The following FHIT variants were observed in gnomAD, a reference collection of about 807,000 sequenced individuals.
The protein encoded by FHIT is bis(5'-adenosyl)-triphosphatase.
In FHIT, 19 loss-of-function variants were observed where a neutral mutation model predicts 17.9. That is an observed-to-expected ratio of 1.06 (90% CI 0.74 to 1.56). FHIT has a LOEUF of 1.56. Among genes scored for constraint, FHIT ranks in the 40% most tolerant of loss-of-function variants. The pLI is 0.00. For synonymous variants in FHIT, 81 were observed against 69.7 expected (o/e 1.16, Z -0.81); for missense variants, 248 against 189.2 (o/e 1.31, Z -1.82).
At chr3:60,957,385 G>C (rs531985108) in intron 3 of FHIT, among the ~76,000 whole-genome samples, 4 of 151,880 alleles carry the variant, frequency 2.6e-5, no homozygotes, top group East Asian at 1.9e-4. Flanking sequence ...TTACAGGCAC[G>C]TGCCACCACA....
chr3:59,848,275 C>T (rs1376655491), intron 8 of FHIT, among the ~76,000 whole-genome samples: 1 of 152,098 alleles, frequency 6.6e-6, no homozygotes, highest in East Asian at 1.9e-4. Context: ...ATATTCAGGC[C>T]TTCAGTGGAC....
intron 5 of FHIT, among the ~76,000 whole-genome samples, chr3:60,204,472 G>C (rs930633198): frequency 1.5e-5 from 2 of 137,694 alleles, no homozygotes; most frequent in African/African-American, 5.6e-5. Flanking sequence ...TGTTTTTTTA[G>C]TAGAGATGGA....
intron 4 of FHIT, among the ~76,000 whole-genome samples, chr3:60,756,325 C>A (rs13063937): frequency 0.19 from 29,206 of 151,974 alleles, 3,412 homozygotes; most frequent in Non-Finnish European, 0.25. Flanking sequence ...TTCCAACTCA[C>A]ATTGTCCCTT....
At chr3:61,225,003 C>G (rs1309531667) in intron 1 of FHIT, among the ~76,000 whole-genome samples, 1 of 152,126 alleles carries the variant, frequency 6.6e-6, no homozygotes, top group African/African-American at 2.4e-5. Flanking sequence ...AGTTACAGTT[C>G]ACTGACCTCC....
At chr3:60,511,682 C>A (rs771261607) in intron 5 of FHIT, among the ~76,000 whole-genome samples, 8 of 152,094 alleles carry the variant, frequency 5.3e-5, no homozygotes. Flanking sequence ...AACAATGTCA[C>A]CTGAGTAGCC....
At chr3:60,931,136 T>C (rs1707928829) in intron 3 of FHIT, among the ~76,000 whole-genome samples, 1 of 151,970 alleles carries the variant, frequency 6.6e-6, no homozygotes, top group Non-Finnish European at 1.5e-5. Context: ...ACACTGCATG[T>C]TGTCACTCAT....
At chr3:59,897,173 C>A (rs998294961) in intron 8 of FHIT, among the ~76,000 whole-genome samples, 1 of 152,196 alleles carries the variant, frequency 6.6e-6, no homozygotes, top group Non-Finnish European at 1.5e-5. Context: ...AAAGAACTTT[C>A]TGCAATGATG....
intron 9 of FHIT, 65 bp from the exon 10 acceptor site, chr3:59,749,644 A>G (rs995277690): frequency 8.7e-6 from 2 of 230,388 alleles, no homozygotes; most frequent in Non-Finnish European, 8.6e-6. Context: ...CTCTGTAGGA[A>G]CAATGAGGAG....
chr3:61,101,789 C>G (rs2035838578), intron 2 of FHIT, among the ~76,000 whole-genome samples: 1 of 152,032 alleles, frequency 6.6e-6, no homozygotes, highest in African/African-American at 2.4e-5. Flanking sequence ...AAGTTGGATT[C>G]CTAGGTATTT....
intron 8 of FHIT, among the ~76,000 whole-genome samples, chr3:59,892,738 T>A (rs1466205608): frequency 6.6e-6 from 1 of 152,172 alleles, no homozygotes; most frequent in Non-Finnish European, 1.5e-5. Flanking sequence ...AAATATAATT[T>A]AGATGGGGAT....
chr3:60,052,391 G>C (rs1384229914), intron 5 of FHIT, among the ~76,000 whole-genome samples: 3 of 152,094 alleles, frequency 2.0e-5, no homozygotes, highest in Non-Finnish European at 4.4e-5. Flanking sequence ...AGAGTCCTTA[G>C]AATCTTTGGC....
At chr3:59,772,307 G>C (rs1016604896) in intron 8 of FHIT, among the ~76,000 whole-genome samples, 22 of 152,196 alleles carry the variant, frequency 1.4e-4, no homozygotes, top group Admixed American at 1.2e-3. Context: ...TATCACCCAC[G>C]CTATTAGGCA....
At chr3:61,194,571 C>A (rs2038803577) in intron 2 of FHIT, among the ~76,000 whole-genome samples, 1 of 152,158 alleles carries the variant, frequency 6.6e-6, no homozygotes. Flanking sequence ...TACCAAACGG[C>A]TTTTATCCTA....
intron 7 of FHIT, among the ~76,000 whole-genome samples, chr3:59,981,922 T>C (rs1057019908): frequency 6.6e-6 from 1 of 151,858 alleles, no homozygotes; most frequent in African/African-American, 2.4e-5. Context: ...GGTATCAGTT[T>C]ACACTACTGC....
intron 3 of FHIT, chr3:60,856,372 T>C (rs868992683): frequency 6.6e-6 from 1 of 152,054 alleles, no homozygotes; most frequent in East Asian, 1.9e-4. Context: ...GCCAAAGAGA[T>C]TTTTTTTAAA....
At chr3:60,709,425 T>C (rs1553704419) in intron 4 of FHIT, among the ~76,000 whole-genome samples, 1 of 152,200 alleles carries the variant, frequency 6.6e-6, no homozygotes, top group East Asian at 1.9e-4. Context: ...TTTTCTCTAA[T>C]ACTGCATCAA....
intron 5 of FHIT, among the ~76,000 whole-genome samples, chr3:60,505,515 A>G (rs1337148995): frequency 6.6e-6 from 1 of 152,178 alleles, no homozygotes; most frequent in Non-Finnish European, 1.5e-5. Flanking sequence ...TTACAGAAAT[A>G]TTTTTAAGCC....
At chr3:60,367,903 G>C (rs1483881621) in intron 5 of FHIT, among the ~76,000 whole-genome samples, 6 of 152,094 alleles carry the variant, frequency 3.9e-5, no homozygotes, top group Non-Finnish European at 8.8e-5. Context: ...TCAATATAAA[G>C]TATGTACACT....
intron 5 of FHIT, among the ~76,000 whole-genome samples, chr3:60,225,533 G>A (rs957914688): frequency 3.3e-5 from 5 of 152,172 alleles, no homozygotes; most frequent in African/African-American, 1.2e-4. Context: ...CTCCCAGGAA[G>A]AGGGAAAAGA....
Sources: allele counts gnomAD v4.1 joint callset (sites outside exome capture counted in the v4.1 genomes callset), GRCh38; gene constraint gnomAD v4.1.1; transcripts MANE v1.5; gene names NCBI Gene and HGNC (gene_info 2026-07-23, HGNC 2026-07-21).